ARHGEF3: variants seen among roughly 807,000 people sequenced by gnomAD.
The protein encoded by ARHGEF3 is 59.8 kDA protein.
In ARHGEF3, 28 loss-of-function variants were observed where a neutral mutation model predicts 63.2. The ratio of observed to expected loss-of-function variants is 0.44; its 90% confidence interval spans 0.33 to 0.61. ARHGEF3 has a LOEUF of 0.61. Among genes scored for constraint, ARHGEF3 ranks in the 20% least tolerant of loss-of-function variants. The pLI is 0.03. For missense variants in ARHGEF3, 533 were observed against 659.3 expected (o/e 0.81, Z 2.10); for synonymous variants, 266 against 254.2 (o/e 1.05, Z -0.44).
intron 2 of ARHGEF3, among the ~76,000 whole-genome samples, chr3:56,758,977 C>T (rs1036418768): frequency 6.6e-6 from 1 of 152,112 alleles, no homozygotes; most frequent in Non-Finnish European, 1.5e-5. Flanking sequence ...CAGTCCTTGG[C>T]TAACTTTAAA....
chr3:57,036,082 C>A (rs2107231018), intron 1 of ARHGEF3, among the ~76,000 whole-genome samples: 1 of 152,154 alleles, frequency 6.6e-6, no homozygotes, highest in Non-Finnish European at 1.5e-5. Flanking sequence ...ACAGGTGAGG[C>A]CAAACTCTTT....
chr3:57,017,009 C>G (rs929297211), intron 2 of ARHGEF3, among the ~76,000 whole-genome samples: 3 of 114,336 alleles, frequency 2.6e-5, no homozygotes, highest in East Asian at 6.4e-4. Flanking sequence ...CTCTCTGTCT[C>G]TCTCTCTCTC....
At chr3:57,067,643 T>TGGGTAATACA (rs1339133840) in intron 1 of ARHGEF3, among the ~76,000 whole-genome samples, 48 of 150,870 alleles carry the variant, frequency 3.2e-4, no homozygotes, top group African/African-American at 1.1e-3. Flanking sequence ...GAGACCAGCC[T>TGGGTAATACA]GGGTAATACA....
intron 3 of ARHGEF3, among the ~76,000 whole-genome samples, chr3:56,895,027 A>G (rs2041251349): frequency 2.0e-5 from 3 of 152,188 alleles, no homozygotes; most frequent in African/African-American, 7.2e-5. Flanking sequence ...TGACAGTGTC[A>G]CTAAAGAAGG....
At chr3:56,746,604 C>T (rs1463408515) in intron 6 of ARHGEF3, among the ~76,000 whole-genome samples, 2 of 152,040 alleles carry the variant, frequency 1.3e-5, no homozygotes, top group Non-Finnish European at 2.9e-5. Context: ...GTGGCACACA[C>T]CTGTAATCCC....
chr3:56,752,674 T>C (rs1269398432), intron 4 of ARHGEF3, among the ~76,000 whole-genome samples: 1 of 152,228 alleles, frequency 6.6e-6, no homozygotes, highest in Non-Finnish European at 1.5e-5. Context: ...CAAATCTTGA[T>C]GCAGGAAAGG....
intron 2 of ARHGEF3, among the ~76,000 whole-genome samples, chr3:57,034,669 T>C (rs1214732239): frequency 6.8e-6 from 1 of 147,410 alleles, no homozygotes; most frequent in Non-Finnish European, 1.5e-5. Context: ...TTTTTTTTTT[T>C]TTTTTTTGAC....
At chr3:56,844,299 T>C (rs1009606356) in intron 4 of ARHGEF3, among the ~76,000 whole-genome samples, 2 of 152,180 alleles carry the variant, frequency 1.3e-5, no homozygotes, top group Non-Finnish European at 2.9e-5. Context: ...TCAAGGTAAA[T>C]CCATCATGGT....
chr3:56,914,304 A>G (rs940388239), intron 3 of ARHGEF3, among the ~76,000 whole-genome samples: 2 of 152,216 alleles, frequency 1.3e-5, no homozygotes, highest in South Asian at 4.1e-4. Context: ...GTCTTAAGAG[A>G]TATTTGTACA....
At chr3:57,036,487 A>G (rs1703967577) in intron 1 of ARHGEF3, among the ~76,000 whole-genome samples, 1 of 152,084 alleles carries the variant, frequency 6.6e-6, no homozygotes, top group Non-Finnish European at 1.5e-5. Context: ...CTTCCTGAAC[A>G]TTTGCCCCAG....
At chr3:56,766,349 G>A (rs972528790) in intron 2 of ARHGEF3, among the ~76,000 whole-genome samples, 5 of 152,200 alleles carry the variant, frequency 3.3e-5, no homozygotes, top group African/African-American at 4.8e-5. Context: ...GAGAGGCAGT[G>A]GTTGCTAGAA....
At position 56,933,764 on chromosome 3, in the gene ARHGEF3, A is replaced by C. The variant is rs575937341; in HGVS notation, c.129+25059T>G. The stretch of plus-strand genomic sequence containing the variant: ...AGGAAAGTTTTTCTAGTATGCTAGA[A>C]ATGTTTGGGGATTGATATGGTCTGA... On this transcript the variant is annotated intron_variant, in intron 3 of 12. Coordinates refer to the ARHGEF3 transcript ENST00000338458. Among the ~76,000 whole-genome samples, 13 of 152,258 alleles carry C rather than the reference A, an allele frequency of 8.5e-5. No individual in the cohort carries two copies. In the South Asian group the frequency reaches 2.7e-3, roughly 32 times the overall value.
In ARHGEF3 at chr3:56,729,601, C is replaced by G; in HGVS notation, c.1250G>C (p.Ser417Thr). Residue 417 changes from serine to threonine, a missense_variant, in exon 10 of 10, where the codon AGT (serine) becomes ACT (threonine). Around this residue, in one of 4 missense-constraint regions of ARHGEF3, gnomAD observed 151 missense variants for 190.7 expected, o/e 0.79. Transcript: ENST00000296315. ...NERIKNFFRV[S>T]FKNGSQSQTH... ...CTGACTTTGGGATCCATTTTTGAAA[C>G]TGACTCTGAAGAAGTTTTTAACTAG... 6.2e-7 allele frequency: 1 copy of G among 1,603,998 alleles called. No homozygotes were observed. The highest frequency in any genetic ancestry group is 8.5e-7 in the Non-Finnish European group (1 of 1,173,604).
intron 1 of ARHGEF3, chr3:57,073,529 CTGTT>C (rs1302961414): frequency 1.8e-5 from 21 of 1,190,208 alleles, no homozygotes; most frequent in Middle Eastern, 2.9e-4. Context: ...GGGTTTGGCT[CTGTT>C]TGAGCACCCC....
At chr3:56,904,465 A>C (rs57412455) in intron 3 of ARHGEF3, among the ~76,000 whole-genome samples, 6,363 of 152,366 alleles carry the variant, frequency 0.042, 161 homozygotes, top group South Asian at 0.14. Flanking sequence ...AGGCCCAGCC[A>C]AAACTGAGAC....
At chr3:56,967,734 ATAAT>A (rs1371792274) in intron 2 of ARHGEF3, among the ~76,000 whole-genome samples, 1 of 69,746 alleles carries the variant, frequency 1.4e-5, no homozygotes, top group Non-Finnish European at 2.4e-5. Flanking sequence ...TACTGGTACT[ATAAT>A]TATATATATT....
chr3:56,888,185 T>C (rs544443317), intron 3 of ARHGEF3, among the ~76,000 whole-genome samples: 2 of 152,126 alleles, frequency 1.3e-5, no homozygotes, highest in South Asian at 4.2e-4. Context: ...TACAGTTGTT[T>C]AGACATTGGT....
chr3:56,743,474 T>C (rs565040633), intron 7 of ARHGEF3, among the ~76,000 whole-genome samples: 1 of 152,340 alleles, frequency 6.6e-6, no homozygotes, highest in East Asian at 1.9e-4. Context: ...TTGCTGGCTG[T>C]GGACCTGGGC....
chr3:56,979,083 A>C (rs192126135), intron 2 of ARHGEF3, among the ~76,000 whole-genome samples: 1 of 152,330 alleles, frequency 6.6e-6, no homozygotes, highest in Non-Finnish European at 1.5e-5. Context: ...TTGAGCCCAG[A>C]GCCCAGGCTG....
Sources: gnomAD v4.1 joint callset for allele counts (sites outside exome capture counted in the v4.1 genomes callset) on GRCh38, gnomAD v4.1.1 for gene constraint, gnomAD v4.1.1 regional missense constraint, MANE v1.5 for transcripts, NCBI Gene and HGNC (gene_info 2026-07-23, HGNC 2026-07-21) for gene names.